NARS2: variants seen among roughly 807,000 people sequenced by gnomAD.
The protein encoded by NARS2 is asparaginyl-tRNA synthetase.
A neutral mutation model predicts 62.9 loss-of-function variants in NARS2; 60 were observed. The ratio of observed to expected loss-of-function variants is 0.95; its 90% CI spans 0.77 to 1.18. The LOEUF is 1.18. Among genes scored for constraint, NARS2 ranks in the 50% most tolerant of loss-of-function variants. The pLI is 0.00. For synonymous variants in NARS2, 196 were observed against 200.0 expected, an observed-to-expected ratio of 0.98 and a Z score of 0.17; for missense variants, 619 against 576.4, an observed-to-expected ratio of 1.07 and a Z score of -0.76.
chr11:78,530,231 G>A (rs1481962998), intron 5 of NARS2, among the ~76,000 whole-genome samples: 1 of 151,638 alleles, frequency 6.6e-6, no homozygotes, highest in Non-Finnish European at 1.5e-5. Flanking sequence ...TAGTACTCAA[G>A]ACTAAATACT....
rs116643926 is a variant in NARS2, at chr11:78,550,332, A to C, written c.594+9207T>G. On this transcript the variant is annotated intron_variant, in intron 5 of 13. Transcript: ENST00000281038. Reference sequence around the variant, plus strand: ...TGTTCCCACCTTGCGCCTTACAAGGAAAGTAACTTTAAAGTGACCAATACA... The same window carrying C: ...TGTTCCCACCTTGCGCCTTACAAGGCAAGTAACTTTAAAGTGACCAATACA... Among the ~76,000 whole-genome samples, 139 of 152,320 alleles carry C rather than the reference A, an allele frequency of 9.1e-4. 1 individual carries two copies. The highest frequency in any genetic ancestry group is 6.8e-3 in the Middle Eastern group (2 of 294).
At chr11:78,506,332 C>A (rs557708492) in intron 6 of NARS2, among the ~76,000 whole-genome samples, 1 of 152,064 alleles carries the variant, frequency 6.6e-6, no homozygotes, top group Non-Finnish European at 1.5e-5. Context: ...AGTTATTTAC[C>A]CAAGGGAAAT....
At chr11:78,524,205 A>C (rs1861223399) in intron 6 of NARS2, among the ~76,000 whole-genome samples, 1 of 152,144 alleles carries the variant, frequency 6.6e-6, no homozygotes, top group Non-Finnish European at 1.5e-5. Flanking sequence ...CTTAGGTTTA[A>C]CAAATCTTGA....
At chr11:78,475,890 C>T (rs141982431) in intron 9 of NARS2, among the ~76,000 whole-genome samples, 74 of 152,252 alleles carry the variant, frequency 4.9e-4, no homozygotes, top group African/African-American at 1.7e-3. Flanking sequence ...CATGAGCCAA[C>T]GTGTCTCATT....
chr11:78,463,245 A>T (rs1858467030), intron 11 of NARS2, among the ~76,000 whole-genome samples: 1 of 152,020 alleles, frequency 6.6e-6, no homozygotes, highest in Non-Finnish European at 1.5e-5. Flanking sequence ...TTTTTTGTTG[A>T]GATAGGGTCT....
Position 78,469,302 on chromosome 11 carries a change from G to C in NARS2, c.971C>G (p.Thr324Ser). 6.2e-7 allele frequency: 1 copy of C among 1,612,914 alleles called. No individual in the cohort carries two copies. The highest frequency in any genetic ancestry group is 8.5e-7 in the Non-Finnish European group (1 of 1,179,072). The part of the protein sequence containing the change: ...LKNNFLIISY[T>S]EAVEILKQAS... ...TTGCTTTAAGATCTCCACTGCTTCAGTATAAGAAATGCTGGAGGAAAACAG... is the reference window on the plus strand; with the variant it reads ...TTGCTTTAAGATCTCCACTGCTTCACTATAAGAAATGCTGGAGGAAAACAG... The change falls in exon 10 of 14, where the codon ACT (threonine) becomes AGT (serine). Residue 324 changes from threonine to serine, a missense_variant. Physicochemically the swap from Thr to Ser is moderately conservative, Grantham distance 58. Transcript: ENST00000281038.
intron 11 of NARS2, among the ~76,000 whole-genome samples, chr11:78,458,401 A>C (rs923613409): frequency 6.6e-6 from 1 of 152,202 alleles, no homozygotes; most frequent in Non-Finnish European, 1.5e-5. Flanking sequence ...TCCATAATAT[A>C]TTATGGTCTC....
intron 11 of NARS2, among the ~76,000 whole-genome samples, chr11:78,453,042 T>G (rs1312949741): frequency 1.3e-5 from 2 of 152,218 alleles, no homozygotes; most frequent in Non-Finnish European, 2.9e-5. Flanking sequence ...TTCTTTAAAG[T>G]TGACCAAATT....
chr11:78,557,479 A>G (rs7122676), intron 5 of NARS2, among the ~76,000 whole-genome samples: 111,979 of 152,010 alleles, frequency 0.74, 41,879 homozygotes, highest in Non-Finnish European at 0.82. Context: ...CTTTGTAGTC[A>G]AACTTCTGAA....
chr11:78,527,215 G>C (rs1362737906), intron 6 of NARS2, among the ~76,000 whole-genome samples: 1 of 152,106 alleles, frequency 6.6e-6, no homozygotes, highest in Non-Finnish European at 1.5e-5. Context: ...TATAAATACA[G>C]AGGTCTTCAG....
At chr11:78,528,753 T>C (rs1430050669) in intron 6 of NARS2, 89 bp downstream of exon 6, 1 of 843,592 alleles carries the variant, frequency 1.2e-6, no homozygotes, top group Non-Finnish European at 2.0e-6. Flanking sequence ...TAAAGACTAA[T>C]TTCAACTTTT....
chr11:78,465,104 G>A lies in NARS2; in HGVS notation c.1164+772C>T, dbSNP rs183818293. ...TCAGGCATGGGGGGCTGCAGGTCCC[G>A]AGCCCTGCCCCACGGGAAGGCAGCT... On this transcript the variant is annotated intron_variant, in intron 11 of 13. Coordinates refer to ENST00000281038, the MANE Select transcript of NARS2 (RefSeq NM_024678.6). Among the ~76,000 whole-genome samples the A allele has an allele frequency of 2.7e-3, 405 of 152,322 alleles. 1 individual carries two copies. Among genetic ancestry groups the A allele is most frequent in the Admixed American group, 4.3e-3 (66 of 15,310 alleles).
intron 5 of NARS2, among the ~76,000 whole-genome samples, chr11:78,549,006 G>A (rs189433735): frequency 1.3e-3 from 201 of 152,296 alleles, no homozygotes; most frequent in African/African-American, 4.7e-3. Flanking sequence ...CAAGATCACA[G>A]GGCTCTAGCA....
In NARS2 at chr11:78,469,331, A is replaced by C; in HGVS notation, c.960-18T>G. On this transcript the variant is annotated intron_variant, in intron 9 of 13. Coordinates refer to ENST00000281038, the MANE Select transcript of NARS2 (RefSeq NM_024678.6). Reference sequence around the variant, plus strand: ...AAGAAATGCTGGAGGAAAACAGGATACAAGCAGAGAAAAGTCAATACAATG... The same window carrying C: ...AAGAAATGCTGGAGGAAAACAGGATCCAAGCAGAGAAAAGTCAATACAATG... 1.2e-6 allele frequency: 2 copies of C among 1,602,742 alleles called. No individual in the cohort carries two copies. Among genetic ancestry groups the C allele is most frequent in the Non-Finnish European group, 1.7e-6 (2 of 1,169,830 alleles).
At chr11:78,554,164 A>G (rs10899553) in intron 5 of NARS2, among the ~76,000 whole-genome samples, 104,444 of 152,018 alleles carry the variant, frequency 0.69, 37,676 homozygotes, top group Non-Finnish European at 0.82. Context: ...GTTGGGTAAC[A>G]TGATTCTTCC....
chr11:78,508,273 T>G (rs1381933181), intron 6 of NARS2, among the ~76,000 whole-genome samples: 1 of 152,098 alleles, frequency 6.6e-6, no homozygotes, highest in South Asian at 2.1e-4. Context: ...AACATATGCA[T>G]GTGGGAGTCT....
At chr11:78,446,532 C>T (rs1857766988) in intron 11 of NARS2, among the ~76,000 whole-genome samples, 1 of 152,074 alleles carries the variant, frequency 6.6e-6, no homozygotes, top group South Asian at 2.1e-4. Flanking sequence ...TCTTTTCTTA[C>T]CTTCAATCCA....
At chr11:78,485,615 C>A (rs547785107) in intron 7 of NARS2, among the ~76,000 whole-genome samples, 12 of 152,236 alleles carry the variant, frequency 7.9e-5, no homozygotes, top group African/African-American at 2.6e-4. Context: ...AGCAAAACTT[C>A]TAGAAGAAAG....
At chr11:78,498,258 G>GA (rs150547958) in intron 6 of NARS2, among the ~76,000 whole-genome samples, 2,456 of 152,246 alleles carry the variant, frequency 0.016, 57 homozygotes, top group African/African-American at 0.056. Context: ...GATTTTATTT[G>GA]ATACACCTTG....
Sources: gnomAD v4.1 joint callset for allele counts (sites outside exome capture counted in the v4.1 genomes callset) on GRCh38, gnomAD v4.1.1 for gene constraint, MANE v1.5 for transcripts, NCBI Gene and HGNC (gene_info 2026-07-23, HGNC 2026-07-21) for gene names.